Variants in FAM149A observed in about 807,000 individuals in gnomAD.
FAM149A encodes the protein protein FAM149A.
In FAM149A, 71 loss-of-function variants were observed where a neutral mutation model predicts 78.2. That is an observed-to-expected ratio of 0.91 (90% confidence interval 0.75 to 1.11). The LOEUF (loss-of-function observed/expected upper bound fraction) is 1.11. Among genes scored for constraint, FAM149A ranks in the 50% least tolerant of loss-of-function variants. The pLI is 0.00. For synonymous variants in FAM149A, 446 were observed against 410.5 expected (o/e 1.09, Z -1.04); for missense variants, 1,036 against 971.0 (o/e 1.07, Z -0.89).
In FAM149A at chr4:186,153,707, C is replaced by T; in HGVS notation, c.995C>T (p.Thr332Ile). 7 of 1,614,086 alleles carry T rather than the reference C, an allele frequency of 4.3e-6. No individual in the cohort carries two copies. The highest frequency in any genetic ancestry group is 5.9e-6 in the Non-Finnish European group (7 of 1,179,936). Residue 332 changes from threonine to isoleucine, a missense_variant, in exon 5 of 14, where the codon ACT (threonine) becomes ATT (isoleucine). Thr to Ile is a moderately conservative substitution (Grantham distance 89). Coordinates refer to ENST00000389354, the MANE Select transcript of FAM149A (RefSeq NM_001367768.3). Reference sequence around the variant, plus strand: ...GGCGTCCAGCATTTCCAGGGCAGCACTCCTGCCTCCGCAGTCCACAGACCC... The same window carrying T: ...GGCGTCCAGCATTTCCAGGGCAGCATTCCTGCCTCCGCAGTCCACAGACCC...
chr4:186,161,195 A>G (rs1190927144), intron 8 of FAM149A, among the ~76,000 whole-genome samples: 1 of 152,210 alleles, frequency 6.6e-6, no homozygotes, highest in African/African-American at 2.4e-5. Context: ...AGAAAAATAT[A>G]CTTTTCACAG....
intron 1 of FAM149A, chr4:186,109,236 G>A: frequency 1.0e-6 from 1 of 974,522 alleles, no homozygotes; most frequent in Non-Finnish European, 1.2e-6. Flanking sequence ...ATGAATGTTG[G>A]TAGAGTGTAA....
At position 186,149,399 on chromosome 4, in the gene FAM149A, C is replaced by CTT. The variant is rs1733295094; in HGVS notation, c.677+116_677+117insTT. 8 of 1,117,704 alleles carry CTT rather than the reference C, an allele frequency of 7.2e-6. No individual in the cohort carries two copies. The East Asian group carries it at 4.7e-4, about 66-fold the overall frequency. The allele number at this position is 1,117,704 out of a possible 1,614,324, so 69.2% of individuals were successfully genotyped here. ...AAGTAAGATGCAGTTTTATTTTTAA[C>CTT]CTAGTGTAAACATCACACTGTAAAA... On this transcript the variant is annotated intron_variant, in intron 2 of 13. Coordinates refer to ENST00000389354, the MANE Select transcript of FAM149A (RefSeq NM_001367768.3).
intron 1 of FAM149A, among the ~76,000 whole-genome samples, chr4:186,132,542 C>G (rs2099321156): frequency 6.6e-6 from 1 of 152,170 alleles, no homozygotes. Context: ...GCCAGGGAGA[C>G]AGGTCTGTGC....
rs192912771 is a variant in FAM149A, at chr4:186,118,749, C to T, written c.566+13107C>T. Among the ~76,000 whole-genome samples, 185 of 152,226 alleles carry T rather than the reference C, an allele frequency of 1.2e-3. 1 individual carries two copies. The highest frequency in any genetic ancestry group is 4.3e-3 in the African/African-American group (178 of 41,546). On this transcript the variant is annotated intron_variant, in intron 1 of 13. Coordinates refer to ENST00000389354, the MANE Select transcript of FAM149A (RefSeq NM_001367768.3). Reference sequence around the variant, plus strand: ...GATGAGATTCTTTAAATTGTTCAGACGATCTGGAGTTGAGGGTGTGCCCGG... The same window carrying T: ...GATGAGATTCTTTAAATTGTTCAGATGATCTGGAGTTGAGGGTGTGCCCGG...
intron 1 of FAM149A, among the ~76,000 whole-genome samples, chr4:186,142,672 T>A (rs534458104): frequency 3.9e-5 from 6 of 152,136 alleles, no homozygotes; most frequent in Non-Finnish European, 7.3e-5. Context: ...CTCAGAGAAG[T>A]GTTGAAGCTG....
intron 3 of FAM149A, among the ~76,000 whole-genome samples, chr4:186,150,357 G>GT (rs144215601): frequency 0.013 from 1,701 of 129,298 alleles, 33 homozygotes; most frequent in African/African-American, 0.039. Context: ...TATGCTGGGT[G>GT]TTTTGTTGTT....
intron 3 of FAM149A, among the ~76,000 whole-genome samples, chr4:186,149,926 T>G (rs1733343764): frequency 6.6e-6 from 1 of 152,224 alleles, no homozygotes; most frequent in Non-Finnish European, 1.5e-5. Flanking sequence ...CCGTCTTAGC[T>G]GCCCGCAGTT....
intron 8 of FAM149A, among the ~76,000 whole-genome samples, chr4:186,159,893 G>A (rs1734372510): frequency 9.1e-6 from 1 of 110,000 alleles, no homozygotes; most frequent in Non-Finnish European, 2.0e-5. Flanking sequence ...TATAGTTGGA[G>A]GGAGCCCAGC....
chr4:186,124,169 GAAATGCA>G (rs775817934), intron 1 of FAM149A: 66 of 985,218 alleles, frequency 6.7e-5, no homozygotes, highest in Non-Finnish European at 7.6e-5. Flanking sequence ...CTGTGAGTAG[GAAATGCA>G]AAGGCACTAT....
intron 1 of FAM149A, chr4:186,123,125 C>A: frequency 1.5e-6 from 1 of 667,390 alleles, no homozygotes; most frequent in Non-Finnish European, 1.9e-6. Context: ...TGCATTCAAA[C>A]ACTGGTCATT....
intron 1 of FAM149A, chr4:186,132,905 TA>T: frequency 1.1e-6 from 1 of 942,872 alleles, no homozygotes; most frequent in South Asian, 4.9e-5. Flanking sequence ...AGTCTTTCCC[TA>T]AATTCATGTT....
chr4:186,168,619 G>A (rs906813437), intron 13 of FAM149A, among the ~76,000 whole-genome samples: 6 of 152,180 alleles, frequency 3.9e-5, no homozygotes, highest in African/African-American at 1.4e-4. Context: ...GCCTCCCAAA[G>A]TGCTGGGATT....
chr4:186,155,210 T>C (rs907699783), intron 6 of FAM149A, among the ~76,000 whole-genome samples: 2 of 152,090 alleles, frequency 1.3e-5, no homozygotes, highest in East Asian at 1.9e-4. Flanking sequence ...TCGTGATCCT[T>C]CTGCCTCGGC....
intron 4 of FAM149A, chr4:186,153,368 AT>A: frequency 1.0e-6 from 1 of 968,490 alleles, no homozygotes; most frequent in Non-Finnish European, 1.2e-6. Flanking sequence ...TAAGCCATTC[AT>A]CAGCCCTGCA....
rs977187282 is a variant in FAM149A at position 186,104,851 on chromosome 4, G to C, written c.-226G>C. The C allele has an allele frequency of 8.1e-6, 5 of 620,384 alleles. No homozygotes were observed. The highest frequency in any genetic ancestry group is 1.3e-4 in the Admixed American group (2 of 15,770). 38.4% of individuals were successfully genotyped at this position (620,384 alleles called of 1,614,324 possible). Reference sequence around the variant, plus strand: ...GTCTCACGGCGCTGGGACGAGGCGGGGCTGCTCTCCGCAGCCGGGGCGCTC... The same window carrying C: ...GTCTCACGGCGCTGGGACGAGGCGGCGCTGCTCTCCGCAGCCGGGGCGCTC... On this transcript the variant is annotated 5_prime_UTR_variant, in exon 1 of 14. Transcript: ENST00000389354.
chr4:186,123,999 A>G, intron 1 of FAM149A: 1 of 985,388 alleles, frequency 1.0e-6, no homozygotes, highest in Non-Finnish European at 1.2e-6. Context: ...AATGTGTGAA[A>G]GAAGGGGCTA....
intron 1 of FAM149A, among the ~76,000 whole-genome samples, chr4:186,146,183 C>T (rs1215736311): frequency 6.6e-6 from 1 of 151,996 alleles, no homozygotes; most frequent in African/African-American, 2.4e-5. Context: ...CTGTTCACCT[C>T]GTTTTTTTGT....
At chr4:186,171,628 A>G (rs2126563748) in intron 13 of FAM149A, among the ~76,000 whole-genome samples, 1 of 152,272 alleles carries the variant, frequency 6.6e-6, no homozygotes, top group Non-Finnish European at 1.5e-5. Context: ...GTGCTCCCTC[A>G]GCCTCCTGGG....
Sources: allele counts gnomAD v4.1 joint callset (sites outside exome capture counted in the v4.1 genomes callset), GRCh38; gene constraint gnomAD v4.1.1; transcripts MANE v1.5; gene names NCBI Gene and HGNC (gene_info 2026-07-23, HGNC 2026-07-21).